The following CNTNAP2 variants were observed in gnomAD, a reference collection of about 807,000 sequenced individuals.
CNTNAP2 encodes the protein contactin-associated protein-like 2.
Under a neutral mutation model 155.2 loss-of-function variants are expected in CNTNAP2, and 98 were observed. That is an observed-to-expected ratio of 0.63 (90% CI 0.54 to 0.75). The LOEUF is 0.75. Ranked by LOEUF, CNTNAP2 falls within the 30% of genes least tolerant of loss-of-function variation. The probability of loss-of-function intolerance (pLI) is 0.00; values close to 1 mark genes in which losing one functional copy is unlikely to be tolerated. For missense variants in CNTNAP2, 1,727 were observed against 1,688.1 expected (o/e 1.02, Z -0.40); for synonymous variants, 651 against 631.2 (o/e 1.03, Z -0.47).
chr7:146,390,395 A>C (rs557704174), intron 1 of CNTNAP2, among the ~76,000 whole-genome samples: 1 of 152,032 alleles, frequency 6.6e-6, no homozygotes, highest in African/African-American at 2.4e-5. Context: ...CTGTAGGATG[A>C]GACCCATTGA....
At chr7:146,475,039 ACG>A (rs1796858053) in intron 1 of CNTNAP2, among the ~76,000 whole-genome samples, 2 of 151,740 alleles carry the variant, frequency 1.3e-5, no homozygotes, top group African/African-American at 4.8e-5. Context: ...ACACACACAC[ACG>A]TACTTACATA....
chr7:146,705,020 C>T (rs1015085178), intron 1 of CNTNAP2, among the ~76,000 whole-genome samples: 14 of 152,102 alleles, frequency 9.2e-5, no homozygotes, highest in Non-Finnish European at 1.9e-4. Flanking sequence ...CTGAGAGAAG[C>T]GGCCTCTTTG....
At chr7:148,330,954 G>A (rs1422220554) in intron 21 of CNTNAP2, among the ~76,000 whole-genome samples, 2 of 149,198 alleles carry the variant, frequency 1.3e-5, no homozygotes, top group Admixed American at 6.7e-5. Context: ...TGGAGTGGAT[G>A]GATAGAGTGG....
intron 1 of CNTNAP2, among the ~76,000 whole-genome samples, chr7:146,716,179 G>A (rs946204675): frequency 6.9e-6 from 1 of 144,208 alleles, no homozygotes; most frequent in South Asian, 2.3e-4. Flanking sequence ...CCTGAGAATT[G>A]TATGGCGCAT....
chr7:147,532,791 C>G (rs1161899822), intron 11 of CNTNAP2, among the ~76,000 whole-genome samples: 2 of 152,092 alleles, frequency 1.3e-5, no homozygotes, highest in Non-Finnish European at 2.9e-5. Context: ...CCCTGATAAA[C>G]CCATCAGATC....
chr7:148,139,994 A>G (rs1442367522), intron 16 of CNTNAP2, among the ~76,000 whole-genome samples: 1 of 152,160 alleles, frequency 6.6e-6, no homozygotes, highest in Non-Finnish European at 1.5e-5. Context: ...CAGGTTTGAT[A>G]GTTCTGTAGA....
chr7:147,814,728 G>A (rs922795743), intron 13 of CNTNAP2, among the ~76,000 whole-genome samples: 3 of 152,120 alleles, frequency 2.0e-5, no homozygotes, highest in Non-Finnish European at 2.9e-5. Flanking sequence ...AGGTATTTCA[G>A]AAGATCACTG....
At position 146,303,975 on chromosome 7, in the gene CNTNAP2, G is replaced by A. The variant is rs566008644; in HGVS notation, c.97+187002G>A. Among the ~76,000 whole-genome samples, 502 of 152,108 alleles carry A rather than the reference G, an allele frequency of 3.3e-3. 3 individuals carry two copies. The highest frequency in any genetic ancestry group is 0.012 in the African/African-American group (485 of 41,502). On this transcript the variant is annotated intron_variant, in intron 1 of 23. Coordinates refer to ENST00000361727, the MANE Select transcript of CNTNAP2 (RefSeq NM_014141.6). ...CCTATATTGGGTGCATATATATTTA[G>A]GATAGTTAGCTCTTCTTGTTGAATT... is the stretch of plus-strand genomic sequence containing the variant.
intron 1 of CNTNAP2, among the ~76,000 whole-genome samples, chr7:146,523,969 A>G (rs1430598860): frequency 6.6e-6 from 1 of 152,084 alleles, no homozygotes; most frequent in East Asian, 1.9e-4. Flanking sequence ...AAAAACTCTA[A>G]TCTGAAAAGT....
Position 148,332,868 on chromosome 7 carries a change from T to C in CNTNAP2, c.3476-50781T>C, listed in dbSNP as rs542817453. 9.9e-5 allele frequency among the ~76,000 whole-genome samples: 15 copies of C among 152,186 alleles called. No individual in the cohort carries two copies. In the South Asian group the frequency reaches 1.9e-3, roughly 19 times the overall value. On this transcript the variant is annotated intron_variant, in intron 21 of 23. Transcript: ENST00000361727. ...CAATGTAATCATTTTACTATAAATCTGCAAAAAAAGAAACAGAGCCTAAAC... is the reference window on the plus strand; with the variant it reads ...CAATGTAATCATTTTACTATAAATCCGCAAAAAAAGAAACAGAGCCTAAAC...
chr7:147,024,667 A>G (rs1798869603), intron 3 of CNTNAP2, among the ~76,000 whole-genome samples: 1 of 152,224 alleles, frequency 6.6e-6, no homozygotes, highest in Non-Finnish European at 1.5e-5. Context: ...ATCAAAATTT[A>G]TACCTCAGAG....
At chr7:146,790,724 C>A (rs1415784824) in intron 2 of CNTNAP2, among the ~76,000 whole-genome samples, 1 of 152,108 alleles carries the variant, frequency 6.6e-6, no homozygotes, top group African/African-American at 2.4e-5. Flanking sequence ...CTCCCGCCAC[C>A]ACGCCTGGCT....
chr7:147,448,069 C>A (rs1347614611), intron 10 of CNTNAP2, among the ~76,000 whole-genome samples: 1 of 152,022 alleles, frequency 6.6e-6, no homozygotes, highest in African/African-American at 2.4e-5. Flanking sequence ...TCAATCGATG[C>A]CCTTTGCCAT....
At chr7:147,113,576 T>G (rs529167885) in intron 5 of CNTNAP2, among the ~76,000 whole-genome samples, 1 of 151,534 alleles carries the variant, frequency 6.6e-6, no homozygotes, top group Non-Finnish European at 1.5e-5. Flanking sequence ...AAGTGCAGAG[T>G]GAAGTCGGGG....
intron 11 of CNTNAP2, among the ~76,000 whole-genome samples, chr7:147,515,668 C>CA (rs1270976379): frequency 6.6e-6 from 1 of 152,106 alleles, no homozygotes; most frequent in Non-Finnish European, 1.5e-5. Flanking sequence ...TGTGCTATAT[C>CA]ACCTGTCTCC....
At chr7:147,389,787 T>C (rs1010474218) in intron 9 of CNTNAP2, among the ~76,000 whole-genome samples, 1 of 152,242 alleles carries the variant, frequency 6.6e-6, no homozygotes, top group Non-Finnish European at 1.5e-5. Context: ...CCAGTTACAA[T>C]GACCCATGTA....
At chr7:147,435,191 G>T (rs1797530692) in intron 10 of CNTNAP2, among the ~76,000 whole-genome samples, 1 of 152,170 alleles carries the variant, frequency 6.6e-6, no homozygotes, top group Admixed American at 6.5e-5. Context: ...AAAAGGCAGA[G>T]TCCCTATAAG....
intron 1 of CNTNAP2, among the ~76,000 whole-genome samples, chr7:146,541,632 A>T (rs1282559409): frequency 1.3e-4 from 19 of 151,912 alleles, no homozygotes; most frequent in Admixed American, 1.3e-3. Context: ...TCAGACCTTT[A>T]AGAGTGAGGT....
intron 14 of CNTNAP2, among the ~76,000 whole-genome samples, chr7:147,915,475 G>A (rs1346446030): frequency 6.6e-6 from 1 of 152,196 alleles, no homozygotes; most frequent in East Asian, 1.9e-4. Flanking sequence ...GAGGAGTACT[G>A]GTATCAGTTA....
Sources: gnomAD v4.1 joint callset for allele counts (sites outside exome capture counted in the v4.1 genomes callset) on GRCh38, gnomAD v4.1.1 for gene constraint, MANE v1.5 for transcripts, NCBI Gene and HGNC (gene_info 2026-07-23, HGNC 2026-07-21) for gene names.